GSTT4: variants seen among roughly 807,000 people sequenced by gnomAD.
GSTT4 encodes the protein glutathione S-transferase theta 4.
At chr22:24,003,417 C>A (rs375513257) in intron 2 of GSTT4, among the ~76,000 whole-genome samples, 18 of 152,390 alleles carry the variant, frequency 1.2e-4, no homozygotes, top group African/African-American at 3.6e-4. Flanking sequence ...GCCATGTTGT[C>A]TAGGCTAGGC....
chr22:24,005,185 C>T (rs1040283115), intron 1 of GSTT4, 60 bp downstream of exon 1: 1 of 152,976 alleles, frequency 6.5e-6, no homozygotes. Context: ...AGAAAAGCCG[C>T]AATCTGTGTG....
downstream of GSTT4, among the ~76,000 whole-genome samples, chr22:23,997,068 T>C (rs1271892942): frequency 1.3e-5 from 2 of 152,088 alleles, no homozygotes; most frequent in African/African-American, 4.8e-5. Context: ...TGGTAGATTG[T>C]GTGTTTCTAA....
chr22:24,003,948 A>C (rs2034294790), intron 1 of GSTT4, 101 bp from the exon 2 acceptor site: 1 of 153,656 alleles, frequency 6.5e-6, no homozygotes, highest in Non-Finnish European at 1.5e-5. Flanking sequence ...TCTCAAGAAG[A>C]GGGAACTGAG....
intron 2 of GSTT4, among the ~76,000 whole-genome samples, chr22:24,002,158 G>C (rs1189849709): frequency 6.6e-6 from 1 of 152,286 alleles, no homozygotes; most frequent in African/African-American, 2.4e-5. Context: ...GCCCCTGGAG[G>C]TGCAGGGAGG....
chr22:24,004,936 AG>A (rs2146237493), intron 1 of GSTT4: 1 of 152,400 alleles, frequency 6.6e-6, no homozygotes, highest in East Asian at 1.9e-4. Flanking sequence ...CTGGAGGCTG[AG>A]GTGGGCAGAT....
intron 2 of GSTT4, among the ~76,000 whole-genome samples, chr22:24,001,736 G>A (rs1438100395): frequency 3.9e-5 from 6 of 152,254 alleles, no homozygotes; most frequent in South Asian, 2.1e-4. Flanking sequence ...CTGTAATCCC[G>A]GCACTTTGGG....
chr22:23,996,867 C>T (rs925064385), downstream of GSTT4, among the ~76,000 whole-genome samples: 2 of 152,172 alleles, frequency 1.3e-5, no homozygotes, highest in Non-Finnish European at 2.9e-5. Context: ...AAAAATATTT[C>T]TTCCTGTTTT....
At chr22:24,002,222 T>A in intron 2 of GSTT4, among the ~76,000 whole-genome samples, 1 of 152,204 alleles carries the variant, frequency 6.6e-6, no homozygotes, top group Non-Finnish European at 1.5e-5. Context: ...CATGAAAGGA[T>A]CCATCTCTCT....
In GSTT4 at chr22:24,005,448, C is replaced by G. The variant is rs1237710733; in HGVS notation, c.-92G>C. ...AGAGTCCCTGGCCCTGTGCCCTCTC[C>G]GATCTGGGCCCAGGATCCTGTGTTC... On this transcript the variant is annotated 5_prime_UTR_variant, in exon 1 of 5. Coordinates refer to ENST00000621179, the MANE Select transcript of GSTT4 (RefSeq NM_001358664.2). 3 of 153,074 alleles carry G rather than the reference C, an allele frequency of 2.0e-5. No homozygotes were observed. The highest frequency in any genetic ancestry group is 7.2e-5 in the African/African-American group (3 of 41,486). The allele number at this position is 153,074 out of a possible 1,614,324, so 9.5% of individuals were successfully genotyped here.
chr22:23,996,175 C>G (rs542910763), downstream of GSTT4, among the ~76,000 whole-genome samples: 1 of 152,112 alleles, frequency 6.6e-6, no homozygotes, highest in Non-Finnish European at 1.5e-5. Context: ...AACTTCTGAC[C>G]TCATGATCTG....
At chr22:23,991,401 C>A in the GSTT4 span, 1 of 88,386 alleles carries the variant, frequency 1.1e-5, no homozygotes, top group African/African-American at 4.0e-5. Context: ...GTAGACTGAA[C>A]GGCAGGGCTG....
At chr22:23,994,388 T>A (rs2034096553), downstream of GSTT4, among the ~76,000 whole-genome samples, 1 of 152,036 alleles carries the variant, frequency 6.6e-6, no homozygotes, top group African/African-American at 2.4e-5. Flanking sequence ...AAAGAAACTC[T>A]GTACCCAATA....
chr22:24,003,330 C>T (rs566452207), intron 2 of GSTT4, among the ~76,000 whole-genome samples: 80 of 151,102 alleles, frequency 5.3e-4, no homozygotes, highest in Non-Finnish European at 9.0e-4. Flanking sequence ...TCCGCCTCAG[C>T]CTCCCGAGTA....
intron 3 of GSTT4, among the ~76,000 whole-genome samples, chr22:24,000,768 CA>C (rs1177927014): frequency 2.4e-5 from 3 of 125,150 alleles, no homozygotes; most frequent in Non-Finnish European, 4.9e-5. Context: ...ACAATGTTGG[CA>C]AGGTAGGTCT....
the GSTT4 span, chr22:23,991,323 C>T: frequency 1.8e-5 from 2 of 109,342 alleles, no homozygotes; most frequent in Non-Finnish European, 4.4e-5. Flanking sequence ...CTGGGCCTGC[C>T]TGCCCAGCCC....
chr22:23,994,908 A>C (rs140507732), downstream of GSTT4, among the ~76,000 whole-genome samples: 1,206 of 152,212 alleles, frequency 7.9e-3, 11 homozygotes, highest in African/African-American at 0.025. Context: ...AATGGGCATA[A>C]TACTACTACT....
At chr22:23,999,896 T>C (rs1459475134) in intron 4 of GSTT4, among the ~76,000 whole-genome samples, 179 bp downstream of exon 4, 3 of 152,314 alleles carry the variant, frequency 2.0e-5, no homozygotes, top group African/African-American at 7.2e-5. Flanking sequence ...ATTCATAACA[T>C]TCTGTGCTTC....
the GSTT4 span, among the ~76,000 whole-genome samples, chr22:23,989,828 T>G: frequency 6.7e-6 from 1 of 149,542 alleles, no homozygotes; most frequent in Non-Finnish European, 1.5e-5. Flanking sequence ...TCAGAGGACC[T>G]CAGTCAAGCC....
chr22:24,000,168 C>T lies in GSTT4; in HGVS notation c.435G>A (p.Gln145=), dbSNP rs2034196465. 1.3e-5 allele frequency: 2 copies of T among 154,942 alleles called. No individual in the cohort carries two copies. Among genetic ancestry groups the T allele is most frequent in the Admixed American group, 6.5e-5 (1 of 15,284 alleles). 9.6% of individuals were successfully genotyped at this position (154,942 alleles called of 1,614,324 possible). The part of the protein sequence containing the change: ...HAVEEVKNSL[Q]LFEEYFLQDK... ...CCTGCAGAAAATACTCCTCAAAGAGCTGCAGGCTGTTCTTCACCTCTTCCA... is the reference window on the plus strand; with the variant it reads ...CCTGCAGAAAATACTCCTCAAAGAGTTGCAGGCTGTTCTTCACCTCTTCCA... The change falls in exon 4 of 5, where the codon CAG becomes CAA. Residue 145 remains glutamine (Q), a synonymous_variant. Coordinates refer to ENST00000621179, the MANE Select transcript of GSTT4 (RefSeq NM_001358664.2).
Sources: allele counts gnomAD v4.1 joint callset (sites outside exome capture counted in the v4.1 genomes callset), GRCh38; gene constraint gnomAD v4.1.1; transcripts MANE v1.5; gene names NCBI Gene and HGNC (gene_info 2026-07-23, HGNC 2026-07-21).